SALL1: variants seen among roughly 807,000 people sequenced by gnomAD.
SALL1 encodes the protein sal-like protein 1.
A neutral mutation model predicts 73.1 loss-of-function variants in SALL1; 10 were observed. The observed-to-expected ratio is 0.14, with a 90% CI of 0.08 to 0.23. SALL1 has a LOEUF of 0.23. Ranked by LOEUF, SALL1 falls within the 10% of genes least tolerant of loss-of-function variation. The pLI, the probability that SALL1 is intolerant of heterozygous loss-of-function variation, is 1.00. For missense variants in SALL1, 1,520 were observed against 1,697.3 expected, an observed-to-expected ratio of 0.90 and a Z score of 1.84; for synonymous variants, 688 against 689.8, an observed-to-expected ratio of 1.00 and a Z score of 0.04.
In SALL1 at chr16:51,136,855, G is replaced by T; in HGVS notation, c.*257C>A. Reference sequence around the variant, plus strand: ...AAGTTTACAGCACTCTAGTCAATTAGTATTTAGTCCAAAATACAGAAGACC... The same window carrying T: ...AAGTTTACAGCACTCTAGTCAATTATTATTTAGTCCAAAATACAGAAGACC... On this transcript the variant is annotated 3_prime_UTR_variant, in exon 3 of 3. Transcript: ENST00000251020. 2.0e-6 allele frequency: 1 copy of T among 506,052 alleles called. No homozygotes were observed. The highest frequency in any genetic ancestry group is 3.6e-6 in the Non-Finnish European group (1 of 281,092). 31.3% of individuals were successfully genotyped at this position (506,052 alleles called of 1,614,324 possible).
At chr16:51,145,062 AT>A (rs1172378931) in intron 1 of SALL1, among the ~76,000 whole-genome samples, 2 of 150,432 alleles carry the variant, frequency 1.3e-5, no homozygotes, top group South Asian at 2.1e-4. Flanking sequence ...ATCTATCTGC[AT>A]TCGGAACAAA....
intron 1 of SALL1, among the ~76,000 whole-genome samples, chr16:51,142,810 T>C (rs1962464181): frequency 6.6e-6 from 1 of 152,124 alleles, no homozygotes; most frequent in Non-Finnish European, 1.5e-5. Flanking sequence ...ACACACACAA[T>C]GAAGAGAAAC....
rs1962388882 is a variant in SALL1 at position 51,140,041 on chromosome 16, T to C, written c.2181A>G (p.Thr727=). The C allele has an allele frequency of 6.2e-6, 10 of 1,614,246 alleles. No homozygotes were observed. Among genetic ancestry groups the C allele is most frequent in the Non-Finnish European group, 8.5e-6 (10 of 1,180,034 alleles). The part of the protein sequence containing the change: ...CQSALKMHYR[T]HTGERPFKCK... ...ACTTAAAGGGCCTCTCCCCAGTGTG[T>C]GTCCTGTAGTGCATTTTCAAGGCGC... is the stretch of plus-strand genomic sequence containing the variant. Residue 727 remains threonine, a synonymous_variant, in exon 2 of 3, where the codon ACA becomes ACG. Transcript: ENST00000251020. The surrounding 1 kb of genome is among the most constrained non-coding windows in gnomAD (Gnocchi z 5.7).
rs1278630395 is a variant in SALL1 at position 51,140,634 on chromosome 16, T to A, written c.1588A>T (p.Met530Leu). Reference sequence around the variant, plus strand: ...ACTGGCTTCTCTGGAGGGATGGACATGCCATATGGGATGCCAGTACTCGTG... The same window carrying A: ...ACTGGCTTCTCTGGAGGGATGGACAAGCCATATGGGATGCCAGTACTCGTG... The part of the protein sequence containing the change: ...IPTSTGIPYG[M>L]SIPPEKPVTS... Residue 530 changes from methionine to leucine, a missense_variant, in exon 2 of 3, where the codon ATG (methionine) becomes TTG (leucine). By Grantham distance (15) the Met-to-Leu change is conservative. This residue lies in a region of SALL1 where 276 missense variants were observed against 259.1 expected (regional missense o/e 1.07). Transcript: ENST00000251020. The surrounding 1 kb of genome is among the most constrained non-coding windows in gnomAD (Gnocchi z 5.7). The A allele has an allele frequency of 2.5e-6, 4 of 1,614,008 alleles. No homozygotes were observed. The African/African-American group carries it at 5.3e-5, about 22-fold the overall frequency.
chr16:51,151,452 G>A (rs1962605685), upstream of SALL1: 1 of 187,074 alleles, frequency 5.3e-6, no homozygotes, highest in Non-Finnish European at 1.1e-5. Context: ...TCATAGAGGG[G>A]CTCTTTGAAA....
chr16:51,138,147 C>A (rs1301239234), intron 2 of SALL1, among the ~76,000 whole-genome samples: 1 of 152,208 alleles, frequency 6.6e-6, no homozygotes, highest in Non-Finnish European at 1.5e-5. Flanking sequence ...AGCATATTTG[C>A]TTTATTTCCA....
chr16:51,138,394 T>C (rs1465564930), intron 2 of SALL1, among the ~76,000 whole-genome samples: 1 of 152,094 alleles, frequency 6.6e-6, no homozygotes, highest in African/African-American at 2.4e-5. Flanking sequence ...GCAATTCATT[T>C]GGTGCACTTA....
Position 51,140,192 on chromosome 16 carries a change from C to A in SALL1, c.2030G>T (p.Gly677Val), listed in dbSNP as rs760757150. The change falls in exon 2 of 3, where the codon GGG (glycine) becomes GTG (valine). Residue 677 changes from glycine (G) to valine (V), a missense_variant. Around this residue, in one of 7 missense-constraint regions of SALL1, gnomAD observed 276 missense variants for 259.1 expected, o/e 1.07. Transcript: ENST00000251020. The surrounding 1 kb of genome is among the most constrained non-coding windows in gnomAD (Gnocchi z 5.7). ...TGCCTGAGCTGAGTCCAGGAGTCCC[C>A]CAAAAGGAAACTTGGCCTTGAACTG... ...SEQFKAKFPF[G>V]GLLDSAQASE... 5 of 1,614,102 alleles carry A rather than the reference C, an allele frequency of 3.1e-6. No individual in the cohort carries two copies. The highest frequency in any genetic ancestry group is 1.3e-5 in the African/African-American group (1 of 75,018).
chr16:51,137,723 A>G (rs1597227110), intron 2 of SALL1, among the ~76,000 whole-genome samples, 171 bp from the exon 3 acceptor site: 1 of 152,218 alleles, frequency 6.6e-6, no homozygotes, highest in Non-Finnish European at 1.5e-5. Flanking sequence ...GGCAACAGGA[A>G]CCATCCATTC....
At chr16:51,150,585 T>G in intron 1 of SALL1, 1 of 985,966 alleles carries the variant, frequency 1.0e-6, no homozygotes, top group Non-Finnish European at 1.2e-6. Context: ...CTTGCAGCTC[T>G]GAACCTCCAA....
chr16:51,148,193 T>A (rs1962546115), intron 1 of SALL1, among the ~76,000 whole-genome samples: 1 of 152,136 alleles, frequency 6.6e-6, no homozygotes, highest in Non-Finnish European at 1.5e-5. Context: ...TGTGGCTCCT[T>A]AGCATGGTCT....
chr16:51,145,810 G>T (rs1388461615), intron 1 of SALL1, among the ~76,000 whole-genome samples: 1 of 152,060 alleles, frequency 6.6e-6, no homozygotes, highest in Non-Finnish European at 1.5e-5. Context: ...ACTCTACTAG[G>T]TTTAGTTTTC....
intron 2 of SALL1, 146 bp downstream of exon 2, chr16:51,138,542 C>G: frequency 9.2e-7 from 1 of 1,083,796 alleles, no homozygotes; most frequent in South Asian, 1.7e-5. Context: ...CCATTTCTCC[C>G]CCGTCAACCA....
chr16:51,150,635 C>T, intron 1 of SALL1: 1 of 945,068 alleles, frequency 1.1e-6, no homozygotes. Context: ...GGGGAGTGTG[C>T]GTGGGGGCAG....
chr16:51,142,101 C>G lies in SALL1; in HGVS notation c.121G>C (p.Asp41His). Residue 41 changes from aspartate (D) to histidine (H), a missense_variant, in exon 2 of 3, where the codon GAT (aspartate) becomes CAT (histidine). Physicochemically the swap from Asp to His is moderately conservative, Grantham distance 81. Transcript: ENST00000251020. The stretch of plus-strand genomic sequence containing the variant: ...CAGCACCGGCCACAGACGTGGGCAT[C>G]CTTGCTCTTAGTAGGGCGACTCGGT... ...GQPSRPTKSK[D>H]AHVCGRCCAE... The G allele has an allele frequency of 1.2e-6, 2 of 1,613,692 alleles. No homozygotes were observed. The highest frequency in any genetic ancestry group is 1.7e-6 in the Non-Finnish European group (2 of 1,180,006).
chr16:51,146,246 TG>T (rs1266630593), intron 1 of SALL1, among the ~76,000 whole-genome samples: 1 of 152,158 alleles, frequency 6.6e-6, no homozygotes, highest in Non-Finnish European at 1.5e-5. Flanking sequence ...GTGAAATCTC[TG>T]AAAAAATAAC....
chr16:51,143,903 C>T (rs1038728881), intron 1 of SALL1, among the ~76,000 whole-genome samples: 1 of 152,162 alleles, frequency 6.6e-6, no homozygotes, highest in Non-Finnish European at 1.5e-5. Flanking sequence ...ATTAACACCA[C>T]CAAACAAATC....
intron 1 of SALL1, among the ~76,000 whole-genome samples, chr16:51,142,901 G>GT (rs1962465538): frequency 6.6e-6 from 1 of 152,214 alleles, no homozygotes; most frequent in Non-Finnish European, 1.5e-5. Context: ...AATTAAAGAT[G>GT]TAACTCCGGC....
Position 51,141,932 on chromosome 16 carries a change from T to G in SALL1, c.290A>C (p.Gln97Pro). 6.2e-7 allele frequency: 1 copy of G among 1,613,948 alleles called. No homozygotes were observed. The highest frequency in any genetic ancestry group is 2.2e-5 in the East Asian group (1 of 44,878). Reference sequence around the variant, plus strand: ...TGTTTTGTTAACTGTGTCATTCATTTGTTCATCAGGATTATCAGGAGGGGG... The same window carrying G: ...TGTTTTGTTAACTGTGTCATTCATTGGTTCATCAGGATTATCAGGAGGGGG... ...PSPPPDNPDE[Q>P]MNDTVNKTDQ... The change falls in exon 2 of 3, where the codon CAA becomes CCA. Residue 97 changes from glutamine (Q) to proline (P), a missense_variant. Around this residue, in one of 7 missense-constraint regions of SALL1, gnomAD observed 540 missense variants for 567.5 expected, o/e 0.95. Coordinates refer to ENST00000251020, the MANE Select transcript of SALL1 (RefSeq NM_002968.3). The surrounding 1 kb of genome is among the most constrained non-coding windows in gnomAD (Gnocchi z 5.4).
Sources: gnomAD v4.1 joint callset for allele counts (sites outside exome capture counted in the v4.1 genomes callset) on GRCh38, gnomAD v4.1.1 for gene constraint, gnomAD v4.1.1 regional missense constraint, Gnocchi (gnomAD v3.1) non-coding constraint, MANE v1.5 for transcripts, NCBI Gene and HGNC (gene_info 2026-07-23, HGNC 2026-07-21) for gene names.